CEP162: variants seen among roughly 807,000 people sequenced by gnomAD.
The protein encoded by CEP162 is centrosomal protein 162.
A neutral mutation model predicts 169.2 loss-of-function variants in CEP162; 141 were observed. The observed-to-expected ratio is 0.83, with a 90% CI of 0.73 to 0.96. The LOEUF is 0.96. CEP162 is among the 40% of genes least tolerant of loss of function. The probability of loss-of-function intolerance (pLI) is 0.00; values close to 1 mark genes in which losing one functional copy is unlikely to be tolerated. For missense variants in CEP162, 1,600 were observed against 1,587.2 expected (o/e 1.01, Z -0.14); for synonymous variants, 540 against 526.4 (o/e 1.03, Z -0.35).
chr6:84,155,151 C>T, intron 22 of CEP162, 147 bp downstream of exon 22: 2 of 633,612 alleles, frequency 3.2e-6, no homozygotes, highest in Non-Finnish European at 5.4e-6. Context: ...ATAGGATGCA[C>T]TTGGTTTCTT....
intron 11 of CEP162, 80 bp downstream of exon 11, chr6:84,193,529 A>G (rs931859445): frequency 1.0e-5 from 8 of 777,520 alleles, no homozygotes; most frequent in Non-Finnish European, 1.7e-5. Flanking sequence ...TTAGTCATTA[A>G]TCATTCACTA....
In CEP162 at chr6:84,153,091, T is replaced by G; in HGVS notation, c.3083A>C (p.Glu1028Ala). 6.2e-7 allele frequency: 1 copy of G among 1,613,214 alleles called. No individual in the cohort carries two copies. The highest frequency in any genetic ancestry group is 8.5e-7 in the Non-Finnish European group (1 of 1,179,616). ...QHDSPRIKAL[E>A]KELDDIKEAH... ...TTCCTTGATGTCATCAAGTTCCTTC[T>G]CTAGGGCTTTAATTCTGGGAGAGTC... Residue 1028 changes from glutamate (E) to alanine (A), a missense_variant, in exon 23 of 27, where the codon GAG becomes GCG. By Grantham distance (107) the Glu-to-Ala change is moderately radical. Transcript: ENST00000403245.
At chr6:84,191,591 CCT>C (rs1429455186) in intron 11 of CEP162, among the ~76,000 whole-genome samples, 1 of 151,948 alleles carries the variant, frequency 6.6e-6, no homozygotes, top group Non-Finnish European at 1.5e-5. Flanking sequence ...TAATTATAAC[CCT>C]GTCTTTTTAA....
At chr6:84,165,853 T>C (rs985776634) in intron 18 of CEP162, among the ~76,000 whole-genome samples, 1 of 152,236 alleles carries the variant, frequency 6.6e-6, no homozygotes, top group African/African-American at 2.4e-5. Context: ...CAGATTTAAC[T>C]GCATCATTTC....
At chr6:84,167,758 C>T (rs975165647) in intron 18 of CEP162, among the ~76,000 whole-genome samples, 3 of 152,152 alleles carry the variant, frequency 2.0e-5, no homozygotes, top group Non-Finnish European at 4.4e-5. Flanking sequence ...TTACATTGAA[C>T]AACCATTAAA....
At chr6:84,220,979 G>A in intron 3 of CEP162, 78 bp downstream of exon 3, 1 of 723,048 alleles carries the variant, frequency 1.4e-6, no homozygotes, top group Non-Finnish European at 2.4e-6. Flanking sequence ...TATATTTATA[G>A]TGAAGTAACA....
chr6:84,214,667 T>A (rs1157172303), intron 5 of CEP162, among the ~76,000 whole-genome samples: 1 of 152,196 alleles, frequency 6.6e-6, no homozygotes. Flanking sequence ...ACCTTTGTGA[T>A]CTCAAAATCC....
Position 84,186,356 on chromosome 6 carries a change from T to C in CEP162, c.1377A>G (p.Leu459=). 3 of 1,447,154 alleles carry C rather than the reference T, an allele frequency of 2.1e-6. No homozygotes were observed. Among genetic ancestry groups the C allele is most frequent in the South Asian group, 1.2e-5 (1 of 86,316 alleles). 89.6% of individuals were successfully genotyped at this position (1,447,154 alleles called of 1,614,324 possible). ...CTTTATTAATTTTGTCATCCTGAGA[T>C]AATGATGAAGAATTAACAGTTATTT... is the stretch of plus-strand genomic sequence containing the variant. ...RKKITVNSSS[L]SQDDKINKTY... is the part of the protein sequence containing the mutation. Residue 459 remains leucine (L), a synonymous_variant, in exon 12 of 27, where the codon TTA becomes TTG. Transcript: ENST00000403245.
intron 20 of CEP162, among the ~76,000 whole-genome samples, chr6:84,161,164 G>C (rs73750528): frequency 0.015 from 2,292 of 152,210 alleles, 51 homozygotes; most frequent in African/African-American, 0.052. Context: ...AGTAGAGGGA[G>C]AGAGTTGATA....
intron 16 of CEP162, among the ~76,000 whole-genome samples, 193 bp downstream of exon 16, chr6:84,173,855 T>A (rs1347265477): frequency 6.6e-6 from 1 of 151,924 alleles, no homozygotes; most frequent in Non-Finnish European, 1.5e-5. Context: ...AGCCAATTTT[T>A]TTTATTTTTA....
At chr6:84,141,411 T>C (rs1370829609) in intron 25 of CEP162, among the ~76,000 whole-genome samples, 2 of 152,158 alleles carry the variant, frequency 1.3e-5, no homozygotes, top group Non-Finnish European at 2.9e-5. Flanking sequence ...CGTTAACATC[T>C]ACATCTGCTA....
chr6:84,184,140 G>A lies in CEP162; in HGVS notation c.1663+1047C>T, dbSNP rs115536728. Among the ~76,000 whole-genome samples, 601 of 152,202 alleles carry A rather than the reference G, an allele frequency of 3.9e-3. 4 individuals are homozygous for A. The highest frequency in any genetic ancestry group is 0.015 in the South Asian group (73 of 4,820). On this transcript the variant is annotated intron_variant, in intron 13 of 26. Coordinates refer to ENST00000403245, the MANE Select transcript of CEP162 (RefSeq NM_014895.4). Reference sequence around the variant, plus strand: ...CTTCTTCCACTGTGCACCAGATCCCGTTACAGCTCCTCTACTCAAAAACAT... The same window carrying A: ...CTTCTTCCACTGTGCACCAGATCCCATTACAGCTCCTCTACTCAAAAACAT...
In CEP162 at chr6:84,226,014, G is replaced by C. The variant is rs572049995; in HGVS notation, c.57+323C>G. Among the ~76,000 whole-genome samples, 55 of 151,968 alleles carry C rather than the reference G, an allele frequency of 3.6e-4. 1 individual carries two copies. Among genetic ancestry groups the C allele is most frequent in the South Asian group, 3.5e-3 (17 of 4,832 alleles). On this transcript the variant is annotated intron_variant, in intron 2 of 26. Transcript: ENST00000403245. The stretch of plus-strand genomic sequence containing the variant: ...ATATGTAAGAGTGAAATCATGAAAG[G>C]CTTTAAAACCATGGTAAGGAGGAGT...
At position 84,147,861 on chromosome 6, in the gene CEP162, CA is replaced by C. The variant is rs549149482; in HGVS notation, c.3772-1077del. Among the ~76,000 whole-genome samples, 5 of 152,142 alleles carry C rather than the reference CA, an allele frequency of 3.3e-5. No homozygotes were observed. The South Asian group carries it at 1.0e-3, about 31-fold the overall frequency. ...CTTTAGGTAAACTGAAATATATGAA[CA>C]GATACTTCCATCAAGAAACTAAGAG... is the stretch of plus-strand genomic sequence containing the variant. On this transcript the variant is annotated intron_variant, in intron 24 of 26. Transcript: ENST00000403245.
In CEP162 at chr6:84,169,389, T is replaced by A. The variant is rs983918465; in HGVS notation, c.2324A>T (p.Asp775Val). The change falls in exon 18 of 27, where the codon GAT (aspartate) becomes GTT (valine). Residue 775 changes from aspartate (D) to valine (V), a missense_variant. Asp to Val is a radical substitution (Grantham distance 152). Transcript: ENST00000403245. ...KSRFLSQVVE[D>V]SEPTRNQNFT... ...ATTCTGATTTCTTGTGGGCTCTGAA[T>A]CTTCAACTACTTGAGACAGAAAACG... The A allele has an allele frequency of 1.9e-6, 3 of 1,584,124 alleles. No individual in the cohort carries two copies. The highest frequency in any genetic ancestry group is 2.6e-6 in the Non-Finnish European group (3 of 1,164,304).
At chr6:84,154,833 G>GT (rs2099522531) in intron 22 of CEP162, among the ~76,000 whole-genome samples, 2 of 152,102 alleles carry the variant, frequency 1.3e-5, no homozygotes, top group East Asian at 3.9e-4. Context: ...ATTCATTCCT[G>GT]TTTCACAAAA....
chr6:84,219,236 A>C, intron 3 of CEP162: 1 of 1,004,484 alleles, frequency 1.0e-6, no homozygotes, highest in Non-Finnish European at 1.4e-6. Flanking sequence ...AACATAATAC[A>C]AACTCAGTAA....
Position 84,174,319 on chromosome 6 carries a change from T to C in CEP162, c.2026-131A>G, listed in dbSNP as rs949672663. Reference sequence around the variant, plus strand: ...ATATTGAACATATTAGAATGTGACATAACTAGTTAAATCAGCAAAGTGCTG... The same window carrying C: ...ATATTGAACATATTAGAATGTGACACAACTAGTTAAATCAGCAAAGTGCTG... On this transcript the variant is annotated intron_variant, in intron 15 of 26. Coordinates refer to ENST00000403245, the MANE Select transcript of CEP162 (RefSeq NM_014895.4). 2.8e-5 allele frequency: 22 copies of C among 785,956 alleles called. No homozygotes were observed. The South Asian group carries it at 3.1e-4, about 11-fold the overall frequency. The allele number at this position is 785,956 out of a possible 1,614,324, so 48.7% of individuals were successfully genotyped here.
At chr6:84,178,891 A>G (rs1217456114) in intron 13 of CEP162, among the ~76,000 whole-genome samples, 1 of 151,946 alleles carries the variant, frequency 6.6e-6, no homozygotes, top group East Asian at 1.9e-4. Context: ...ATTCCCACCT[A>G]TGAGTGAGAA....
Sources: gnomAD v4.1 joint callset for allele counts (sites outside exome capture counted in the v4.1 genomes callset) on GRCh38, gnomAD v4.1.1 for gene constraint, MANE v1.5 for transcripts, NCBI Gene and HGNC (gene_info 2026-07-23, HGNC 2026-07-21) for gene names.